The following CCDC85A variants were observed in gnomAD, a reference collection of about 807,000 sequenced individuals.
CCDC85A encodes the protein coiled-coil domain containing 85A.
A neutral mutation model predicts 50.2 loss-of-function variants in CCDC85A; 38 were observed. The ratio of observed to expected loss-of-function variants is 0.76; its 90% CI spans 0.58 to 0.99. The LOEUF is 0.99. CCDC85A is among the 50% of genes least tolerant of loss of function. The pLI, the probability that CCDC85A is intolerant of heterozygous loss-of-function variation, is 0.00. For missense variants in CCDC85A, 820 were observed against 742.0 expected (o/e 1.11, Z -1.22); for synonymous variants, 366 against 301.4 (o/e 1.21, Z -2.22).
intron 3 of CCDC85A, among the ~76,000 whole-genome samples, chr2:56,355,524 A>C (rs1675180135): frequency 2.0e-5 from 3 of 152,192 alleles, no homozygotes; most frequent in Admixed American, 1.3e-4. Flanking sequence ...AAAATAATGA[A>C]GCCCTCTTTC....
At position 56,184,593 on chromosome 2, in the gene CCDC85A, C is replaced by T; in HGVS notation, c.-32C>T. ...CCTTCGGGAGTCGCCTCGCCTCTTCCACCCACTTGCACCTGCCACCCCGCG... is the reference window on the plus strand; with the variant it reads ...CCTTCGGGAGTCGCCTCGCCTCTTCTACCCACTTGCACCTGCCACCCCGCG... On this transcript the variant is annotated 5_prime_UTR_variant, in exon 1 of 6. Transcript: ENST00000407595. The T allele has an allele frequency of 1.4e-6, 2 of 1,388,048 alleles. No homozygotes were observed. The highest frequency in any genetic ancestry group is 1.8e-6 in the Non-Finnish European group (2 of 1,084,152). The allele number at this position is 1,388,048 out of a possible 1,614,324, so 86.0% of individuals were successfully genotyped here.
At chr2:56,333,325 A>G (rs1673907681) in intron 2 of CCDC85A, among the ~76,000 whole-genome samples, 1 of 152,140 alleles carries the variant, frequency 6.6e-6, no homozygotes, top group Non-Finnish European at 1.5e-5. Flanking sequence ...CTGGGGACAG[A>G]GCATTCCAGG....
At chr2:56,304,482 A>G (rs1672343670) in intron 2 of CCDC85A, among the ~76,000 whole-genome samples, 1 of 152,222 alleles carries the variant, frequency 6.6e-6, no homozygotes, top group Non-Finnish European at 1.5e-5. Context: ...AGACTTAATT[A>G]TGAGACTAAG....
Position 56,385,269 on chromosome 2 carries a change from A to G in CCDC85A, c.*914A>G, listed in dbSNP as rs1284938101. ...TAATAAACTTTATGTAAACTTTAAA[A>G]TATTGCACTGCATTTATGAAAAAAG... On this transcript the variant is annotated 3_prime_UTR_variant, in exon 6 of 6. Transcript: ENST00000407595. The G allele has an allele frequency of 6.6e-6, 1 of 152,290 alleles. No homozygotes were observed. The highest frequency in any genetic ancestry group is 6.6e-5 in the Admixed American group (1 of 15,202). 9.4% of individuals were successfully genotyped at this position (152,290 alleles called of 1,614,324 possible).
intron 2 of CCDC85A, among the ~76,000 whole-genome samples, chr2:56,265,804 A>G (rs963956781): frequency 5.1e-5 from 7 of 137,474 alleles, no homozygotes; most frequent in Admixed American, 4.5e-4. Context: ...TATATATCCA[A>G]AGAAAAGTAA....
intron 2 of CCDC85A, among the ~76,000 whole-genome samples, chr2:56,295,802 C>G (rs1304929337): frequency 5.9e-5 from 9 of 152,174 alleles, no homozygotes; most frequent in African/African-American, 2.2e-4. Flanking sequence ...ATCTCCCTCC[C>G]TCCCCTATCA....
chr2:56,320,968 A>G (rs1427068426), intron 2 of CCDC85A, among the ~76,000 whole-genome samples: 1 of 152,180 alleles, frequency 6.6e-6, no homozygotes, highest in African/African-American at 2.4e-5. Context: ...CATCCCTGGG[A>G]TGCAAGGCTG....
At chr2:56,268,594 C>CAAAAAAA in intron 2 of CCDC85A, among the ~76,000 whole-genome samples, 1 of 102,766 alleles carries the variant, frequency 9.7e-6, no homozygotes, top group African/African-American at 4.4e-5. Flanking sequence ...GATTCCGTCT[C>CAAAAAAA]AAAAAAAAAA....
intron 2 of CCDC85A, among the ~76,000 whole-genome samples, chr2:56,308,985 T>A (rs1009431695): frequency 1.3e-5 from 2 of 152,154 alleles, no homozygotes; most frequent in African/African-American, 4.8e-5. Flanking sequence ...GGAAGGGAGA[T>A]CTGTGGGTTC....
At chr2:56,382,241 G>T (rs957661879) in intron 5 of CCDC85A, among the ~76,000 whole-genome samples, 3 of 151,978 alleles carry the variant, frequency 2.0e-5, no homozygotes, top group Admixed American at 6.6e-5. Flanking sequence ...TTCTAGTAGA[G>T]AAATTATATG....
intron 2 of CCDC85A, among the ~76,000 whole-genome samples, chr2:56,277,152 G>T (rs1251369808): frequency 1.3e-5 from 2 of 152,110 alleles, no homozygotes; most frequent in Non-Finnish European, 2.9e-5. Flanking sequence ...GAGGAAGCTG[G>T]ATCCTGGGTA....
intron 3 of CCDC85A, among the ~76,000 whole-genome samples, chr2:56,349,189 A>G (rs1674777850): frequency 6.6e-6 from 1 of 152,172 alleles, no homozygotes; most frequent in Admixed American, 6.5e-5. Flanking sequence ...AGTTAAATCC[A>G]TTAAGGATTG....
chr2:56,283,570 A>G (rs899859307), intron 2 of CCDC85A, among the ~76,000 whole-genome samples: 2 of 152,210 alleles, frequency 1.3e-5, no homozygotes, highest in Non-Finnish European at 2.9e-5. Flanking sequence ...TCTGATATGT[A>G]ACTTTTAAAC....
At chr2:56,250,452 A>G (rs1394582485) in intron 2 of CCDC85A, among the ~76,000 whole-genome samples, 1 of 152,212 alleles carries the variant, frequency 6.6e-6, no homozygotes. Flanking sequence ...TAGCCTATCA[A>G]GGATAAGATG....
intron 2 of CCDC85A, among the ~76,000 whole-genome samples, chr2:56,268,495 T>C (rs1476674194): frequency 6.6e-6 from 1 of 150,420 alleles, no homozygotes; most frequent in Non-Finnish European, 1.5e-5. Context: ...CTTGGGAGGC[T>C]GAGGCAGGAG....
intron 3 of CCDC85A, among the ~76,000 whole-genome samples, chr2:56,349,513 A>T (rs1381243866): frequency 2.0e-5 from 3 of 152,200 alleles, no homozygotes; most frequent in Non-Finnish European, 4.4e-5. Flanking sequence ...AGTATAATTC[A>T]CAGGAAAAAT....
chr2:56,277,119 C>A (rs1013026555), intron 2 of CCDC85A, among the ~76,000 whole-genome samples: 5 of 152,074 alleles, frequency 3.3e-5, no homozygotes, highest in African/African-American at 1.2e-4. Context: ...TTCATTCTTT[C>A]ACAATAGCTC....
At chr2:56,210,285 C>G (rs1347489315) in intron 2 of CCDC85A, among the ~76,000 whole-genome samples, 2 of 152,058 alleles carry the variant, frequency 1.3e-5, no homozygotes. Context: ...TTGGAAAATT[C>G]ATATACAAAT....
chr2:56,289,223 AT>A (rs1275263265), intron 2 of CCDC85A, among the ~76,000 whole-genome samples: 1 of 152,000 alleles, frequency 6.6e-6, no homozygotes, highest in Non-Finnish European at 1.5e-5. Flanking sequence ...TTGCATATGG[AT>A]TTTTTTAATG....
Sources: allele counts gnomAD v4.1 joint callset (sites outside exome capture counted in the v4.1 genomes callset), GRCh38; gene constraint gnomAD v4.1.1; transcripts MANE v1.5; gene names NCBI Gene and HGNC (gene_info 2026-07-23, HGNC 2026-07-21).